Variants in ADAMTSL1 observed in about 807,000 individuals in gnomAD.
ADAMTSL1 encodes the protein ADAMTS like 1, also known as ADAMTS-like protein 1.
In ADAMTSL1, 126 loss-of-function variants were observed where a neutral mutation model predicts 201.8. The observed-to-expected ratio is 0.62, with a 90% CI of 0.54 to 0.72. The LOEUF is 0.72. Ranked by LOEUF, ADAMTSL1 falls within the 30% of genes least tolerant of loss-of-function variation. The probability of loss-of-function intolerance (pLI) is 0.00; values close to 1 mark genes in which losing one functional copy is unlikely to be tolerated. For missense variants in ADAMTSL1, 2,679 were observed against 2,277.8 expected, an observed-to-expected ratio of 1.18 and a Z score of -3.59; for synonymous variants, 1,121 against 903.4, an observed-to-expected ratio of 1.24 and a Z score of -4.32.
intron 2 of ADAMTSL1, among the ~76,000 whole-genome samples, chr9:18,261,593 G>C (rs1831926905): frequency 1.3e-5 from 2 of 152,162 alleles, no homozygotes. Context: ...AGACTTTAGA[G>C]GAAAATATTC....
At chr9:18,179,127 G>C (rs1342695072) in intron 2 of ADAMTSL1, among the ~76,000 whole-genome samples, 4 of 152,004 alleles carry the variant, frequency 2.6e-5, no homozygotes, top group African/African-American at 7.2e-5. Flanking sequence ...TGAAAACTTT[G>C]AAAAAATTTA....
At chr9:18,557,205 C>T (rs1210161449) in intron 3 of ADAMTSL1, among the ~76,000 whole-genome samples, 1 of 151,926 alleles carries the variant, frequency 6.6e-6, no homozygotes, top group Non-Finnish European at 1.5e-5. Flanking sequence ...AAGAGAACAC[C>T]CTGTCTCTTG....
chr9:18,750,715 C>T (rs1819421749), intron 15 of ADAMTSL1, among the ~76,000 whole-genome samples: 1 of 152,166 alleles, frequency 6.6e-6, no homozygotes, highest in Non-Finnish European at 1.5e-5. Context: ...GATCACCTCT[C>T]ACAGTTCATG....
intron 4 of ADAMTSL1, among the ~76,000 whole-genome samples, chr9:18,616,022 T>C (rs760981082): frequency 5.2e-4 from 79 of 152,298 alleles, no homozygotes; most frequent in Non-Finnish European, 9.3e-4. Context: ...TTTTGGCTTC[T>C]TAAAAATTGC....
At chr9:18,509,077 G>A (rs982465277) in intron 2 of ADAMTSL1, among the ~76,000 whole-genome samples, 1 of 130,618 alleles carries the variant, frequency 7.7e-6, no homozygotes, top group South Asian at 2.3e-4. Flanking sequence ...CCAGCTACTC[G>A]GGAGGCTGAG....
At chr9:18,403,157 T>C (rs12340008) in intron 2 of ADAMTSL1, among the ~76,000 whole-genome samples, 18,730 of 145,884 alleles carry the variant, frequency 0.13, 1,447 homozygotes, top group South Asian at 0.24. Context: ...TCTTGTAATC[T>C]TTTTTTTTTT....
intron 1 of ADAMTSL1, among the ~76,000 whole-genome samples, chr9:18,138,043 T>C (rs1826233380): frequency 6.6e-6 from 1 of 152,140 alleles, no homozygotes; most frequent in East Asian, 1.9e-4. Flanking sequence ...TTTGAAATAC[T>C]GTAGAGCAGG....
At chr9:18,103,602 G>A (rs1272036861) in intron 1 of ADAMTSL1, among the ~76,000 whole-genome samples, 1 of 152,116 alleles carries the variant, frequency 6.6e-6, no homozygotes, top group East Asian at 1.9e-4. Context: ...TTTTTAGGGT[G>A]AGAACTGCAT....
At chr9:18,368,927 A>T (rs770891828) in intron 2 of ADAMTSL1, among the ~76,000 whole-genome samples, 32 of 152,180 alleles carry the variant, frequency 2.1e-4, no homozygotes, top group Non-Finnish European at 4.1e-4. Context: ...GATGGTTCAA[A>T]CTGATATGTG....
At chr9:18,026,614 G>A (rs1160902781) in intron 1 of ADAMTSL1, among the ~76,000 whole-genome samples, 1 of 151,930 alleles carries the variant, frequency 6.6e-6, no homozygotes. Context: ...TGCAAGTATT[G>A]TCTTGAGGAT....
chr9:18,347,759 C>T (rs1563903020), intron 2 of ADAMTSL1, among the ~76,000 whole-genome samples: 2 of 152,118 alleles, frequency 1.3e-5, no homozygotes, highest in Non-Finnish European at 2.9e-5. Context: ...GACTGGTGAG[C>T]AATGGGTCCA....
At chr9:18,847,028 C>A (rs1039783302) in intron 23 of ADAMTSL1, among the ~76,000 whole-genome samples, 2 of 152,140 alleles carry the variant, frequency 1.3e-5, no homozygotes, top group African/African-American at 4.8e-5. Flanking sequence ...GGAGAATACC[C>A]CAAAGCTTCT....
intron 2 of ADAMTSL1, among the ~76,000 whole-genome samples, chr9:18,259,915 A>G (rs562077170): frequency 4.6e-5 from 7 of 152,374 alleles, no homozygotes; most frequent in Non-Finnish European, 8.8e-5. Context: ...CTGTGAGATC[A>G]TGATCTTTCT....
chr9:18,029,100 C>T (rs951169386), intron 1 of ADAMTSL1, among the ~76,000 whole-genome samples: 10 of 152,040 alleles, frequency 6.6e-5, no homozygotes, highest in African/African-American at 2.4e-4. Context: ...GTGATTTTTG[C>T]ACATTGATTT....
chr9:17,906,999 AGCGTGGGAGGTGCTCTCTTCC>A (rs1245964325), intron 1 of ADAMTSL1: 2 of 152,494 alleles, frequency 1.3e-5, no homozygotes, highest in Admixed American at 6.5e-5. Context: ...AAAGCGCTAC[AGCGTGGGAGGTGCTCTCTTCC>A]GCGAAGGTCC....
rs375310409 is a variant in ADAMTSL1, at chr9:18,011,286, C to T, written c.87+104364C>T. Among the ~76,000 whole-genome samples the T allele has an allele frequency of 3.6e-4, 55 of 152,128 alleles. No individual in the cohort carries two copies. The South Asian group carries it at 1.0e-2, about 28-fold the overall frequency. ...CCTAAACTTTTGTTTGAACTACTCT[C>T]ATAATCTTTGTCTCAAATACTACCT... On this transcript the variant is annotated intron_variant, in intron 1 of 29. Transcript: ENST00000680146.
intron 2 of ADAMTSL1, among the ~76,000 whole-genome samples, chr9:18,525,788 A>G (rs535844965): frequency 1.4e-4 from 21 of 152,332 alleles, no homozygotes; most frequent in African/African-American, 5.1e-4. Flanking sequence ...GTCTAGTTTG[A>G]TAGCACTGTG....
chr9:17,957,103 A>G (rs1300720336), intron 1 of ADAMTSL1, among the ~76,000 whole-genome samples: 1 of 152,182 alleles, frequency 6.6e-6, no homozygotes, highest in Admixed American at 6.5e-5. Flanking sequence ...TGTCAATTTT[A>G]AATAAGAAAA....
chr9:17,994,219 G>C (rs1351210011), intron 1 of ADAMTSL1, among the ~76,000 whole-genome samples: 1 of 152,096 alleles, frequency 6.6e-6, no homozygotes, highest in Non-Finnish European at 1.5e-5. Flanking sequence ...AATGACAAGT[G>C]ACATTGGCTG....
Sources: allele counts gnomAD v4.1 joint callset (sites outside exome capture counted in the v4.1 genomes callset), GRCh38; gene constraint gnomAD v4.1.1; transcripts MANE v1.5; gene names NCBI Gene and HGNC (gene_info 2026-07-23, HGNC 2026-07-21).